The following LRPPRC variants were observed in gnomAD, a reference collection of about 807,000 sequenced individuals.
LRPPRC encodes leucine-rich PPR motif-containing protein, mitochondrial.
A neutral mutation model predicts 180.3 loss-of-function variants in LRPPRC; 120 were observed. The observed-to-expected ratio is 0.67, with a 90% confidence interval of 0.57 to 0.77. LRPPRC has a LOEUF of 0.77. Among genes scored for constraint, LRPPRC ranks in the 30% least tolerant of loss-of-function variants. The pLI is 0.00. For synonymous variants in LRPPRC, 723 were observed against 600.0 expected (o/e 1.21, Z -3.00); for missense variants, 2,012 against 1,657.2 (o/e 1.21, Z -3.72).
intron 25 of LRPPRC, among the ~76,000 whole-genome samples, chr2:43,933,766 T>C (rs1275332746): frequency 6.6e-6 from 1 of 152,218 alleles, no homozygotes; most frequent in Non-Finnish European, 1.5e-5. Flanking sequence ...CTTGTTTGGC[T>C]GATTAACTTG....
At chr2:43,977,505 G>A (rs532046002) in intron 3 of LRPPRC, among the ~76,000 whole-genome samples, 1 of 152,186 alleles carries the variant, frequency 6.6e-6, no homozygotes, top group African/African-American at 2.4e-5. Flanking sequence ...TGCCTATTCG[G>A]ATATTAAAAG....
chr2:43,980,115 A>T (rs1674236964), intron 2 of LRPPRC, among the ~76,000 whole-genome samples, 167 bp from the exon 3 acceptor site: 1 of 152,266 alleles, frequency 6.6e-6, no homozygotes, highest in Non-Finnish European at 1.5e-5. Flanking sequence ...TTACTAAGTT[A>T]CAAGTCAAAC....
At chr2:43,964,083 G>C (rs1673462112) in intron 11 of LRPPRC, among the ~76,000 whole-genome samples, 1 of 152,190 alleles carries the variant, frequency 6.6e-6, no homozygotes, top group Non-Finnish European at 1.5e-5. Flanking sequence ...ATGCTGCAAA[G>C]AGAAGTGACT....
chr2:43,960,630 T>C lies in LRPPRC; in HGVS notation c.1493A>G (p.Asn498Ser), dbSNP rs758606973. 2 of 1,553,170 alleles carry C rather than the reference T, an allele frequency of 1.3e-6. No individual in the cohort carries two copies. The highest frequency in any genetic ancestry group is 1.8e-6 in the Non-Finnish European group (2 of 1,126,742). ...CATATCACTATCAGACAGACATCCA[T>C]TTTCCTGGAGATAAAGCATATATCA... ...VNSARAILQE[N>S]GCLSDSDMFS... Residue 498 changes from asparagine (N) to serine (S), a missense_variant, in exon 13 of 38, where the codon AAT (asparagine) becomes AGT (serine). By Grantham distance (46) the Asn-to-Ser change is conservative. Transcript: ENST00000260665.
In LRPPRC at chr2:43,894,590, A is replaced by T; in HGVS notation, c.3940T>A (p.Leu1314Ile). The change falls in exon 36 of 38, where the codon TTA (leucine) becomes ATA (isoleucine). Residue 1314 changes from leucine (L) to isoleucine (I), a missense_variant. By Grantham distance (5) the Leu-to-Ile change is conservative. Coordinates refer to ENST00000260665, the MANE Select transcript of LRPPRC (RefSeq NM_133259.4). The part of the protein sequence containing the change: ...VKSVLELIPE[L>I]NEKEEAYNSL... ...TTGTATGCTTCTTCCTTTTCATTTAATTCAGGAATCAATTCTAACACAGAT... is the reference window on the plus strand; with the variant it reads ...TTGTATGCTTCTTCCTTTTCATTTATTTCAGGAATCAATTCTAACACAGAT... 4 of 1,584,256 alleles carry T rather than the reference A, an allele frequency of 2.5e-6. No homozygotes were observed. Among genetic ancestry groups the T allele is most frequent in the Non-Finnish European group, 3.5e-6 (4 of 1,153,162 alleles).
At position 43,963,530 on chromosome 2, in the gene LRPPRC, C is replaced by CTTA. The variant is rs1296784696; in HGVS notation, c.1488+57_1488+58insTAA. 5 of 1,043,374 alleles carry CTTA rather than the reference C, an allele frequency of 4.8e-6. No individual in the cohort carries two copies. In the African/African-American group the frequency reaches 7.8e-5, roughly 16 times the overall value. The allele number at this position is 1,043,374 out of a possible 1,614,324, so 64.6% of individuals were successfully genotyped here. On this transcript the variant is annotated intron_variant, in intron 12 of 37. Transcript: ENST00000260665. ...GACTTTTTTGTGTGTCAACACTAAA[C>CTTA]ATTAAGGAGGAAAGATATCCTCTTC...
chr2:43,953,231 T>C (rs1391650143), intron 14 of LRPPRC, among the ~76,000 whole-genome samples: 1 of 152,230 alleles, frequency 6.6e-6, no homozygotes, highest in Non-Finnish European at 1.5e-5. Context: ...TTACGAAGAC[T>C]AGTTTTTGGA....
intron 27 of LRPPRC, among the ~76,000 whole-genome samples, chr2:43,920,951 G>C (rs778660549): frequency 6.6e-6 from 1 of 152,148 alleles, no homozygotes; most frequent in Non-Finnish European, 1.5e-5. Context: ...TATACAAAAA[G>C]CTTCTACTTT....
At position 43,886,508 on chromosome 2, in the gene LRPPRC, C is replaced by T. The variant is rs1670275890; in HGVS notation, c.*2092G>A. 6.6e-6 allele frequency: 1 copy of T among 152,148 alleles called. No homozygotes were observed. The highest frequency in any genetic ancestry group is 2.1e-4 in the South Asian group (1 of 4,818). 9.4% of individuals were successfully genotyped at this position (152,148 alleles called of 1,614,324 possible). ...AAATATTTATATTCAATAGGGGAATCAATACAATACAAAAGATATTTGAAC... is the reference window on the plus strand; with the variant it reads ...AAATATTTATATTCAATAGGGGAATTAATACAATACAAAAGATATTTGAAC... On this transcript the variant is annotated 3_prime_UTR_variant, in exon 38 of 38. Transcript: ENST00000260665.
At chr2:43,932,123 CAAAA>C (rs746600862) in intron 25 of LRPPRC, among the ~76,000 whole-genome samples, 3,273 of 19,670 alleles carry the variant, frequency 0.17, 8 homozygotes, top group South Asian at 0.2. Flanking sequence ...GACCCTGTCT[CAAAA>C]AAAAAAAAAA....
At chr2:43,899,370 G>T (rs1359616132) in intron 33 of LRPPRC, 36 bp from the exon 34 acceptor site, 2 of 1,603,342 alleles carry the variant, frequency 1.2e-6, no homozygotes, top group Admixed American at 1.7e-5. Context: ...TCTTTCATTA[G>T]AACAGTGGTA....
Position 43,946,138 on chromosome 2 carries a change from C to A in LRPPRC, c.2185G>T (p.Asp729Tyr). The A allele has an allele frequency of 6.2e-7, 1 of 1,612,678 alleles. No individual in the cohort carries two copies. The highest frequency in any genetic ancestry group is 8.5e-7 in the Non-Finnish European group (1 of 1,178,906). The change falls in exon 21 of 38, where the codon GAT becomes TAT. Residue 729 changes from aspartate (D) to tyrosine (Y), a missense_variant. Coordinates refer to ENST00000260665, the MANE Select transcript of LRPPRC (RefSeq NM_133259.4). The part of the protein sequence containing the change: ...NLCCRHDKVE[D>Y]ALNLKEEFDR... The stretch of plus-strand genomic sequence containing the variant: ...AATTCTTCTTTCAAGTTCAAGGCAT[C>A]TTCTACTTTATCATGTCGACAGCAT...
intron 31 of LRPPRC, 60 bp downstream of exon 31, chr2:43,905,632 G>T: frequency 8.2e-7 from 1 of 1,214,994 alleles, no homozygotes; most frequent in Non-Finnish European, 1.2e-6. Flanking sequence ...TTCGAAGGGC[G>T]TTACAAGAAA....
At chr2:43,990,885 G>C (rs1350191702) in intron 1 of LRPPRC, among the ~76,000 whole-genome samples, 1 of 147,340 alleles carries the variant, frequency 6.8e-6, no homozygotes, top group African/African-American at 2.5e-5. Flanking sequence ...TCGCTTCGTA[G>C]CCCAGGCTGG....
chr2:43,939,304 T>C (rs578258333), intron 23 of LRPPRC, among the ~76,000 whole-genome samples: 30 of 141,206 alleles, frequency 2.1e-4, no homozygotes, highest in African/African-American at 6.4e-4. Context: ...AAAATAAAAA[T>C]AAAAACAACA....
chr2:43,965,350 C>A (rs902532027), intron 11 of LRPPRC, among the ~76,000 whole-genome samples: 1 of 152,078 alleles, frequency 6.6e-6, no homozygotes, highest in East Asian at 1.9e-4. Flanking sequence ...TGAGCCACCA[C>A]GCCCAGCCTG....
chr2:43,938,375 G>T (rs1033066505), intron 23 of LRPPRC, among the ~76,000 whole-genome samples: 2 of 152,096 alleles, frequency 1.3e-5, no homozygotes, highest in African/African-American at 4.8e-5. Flanking sequence ...TTGAGGAAAA[G>T]ATTCTGTAAT....
Position 43,918,364 on chromosome 2 carries a change from G to A in LRPPRC, c.2931C>T (p.Val977=), listed in dbSNP as rs1000809178. 2.9e-5 allele frequency: 47 copies of A among 1,610,576 alleles called. No homozygotes were observed. The highest frequency in any genetic ancestry group is 3.9e-5 in the Non-Finnish European group (46 of 1,177,026). ...CATTTTCTTCTTGGATTTTATTCCAGACTGCATCAGCTCTTTGCCAGTCAC... is the reference window on the plus strand; with the variant it reads ...CATTTTCTTCTTGGATTTTATTCCAAACTGCATCAGCTCTTTGCCAGTCAC... ...INGDWQRADA[V]WNKIQEENVI... is the part of the protein sequence containing the mutation. The change falls in exon 28 of 38, where the codon GTC becomes GTT. Residue 977 remains valine (V), a synonymous_variant. Transcript: ENST00000260665.
chr2:43,894,460 ATAC>A, intron 36 of LRPPRC, 82 bp downstream of exon 36: 4 of 747,894 alleles, frequency 5.3e-6, no homozygotes, highest in East Asian at 2.7e-5. Context: ...TTAGTTCACT[ATAC>A]TACAAGTCAT....
Sources: gnomAD v4.1 joint callset for allele counts (sites outside exome capture counted in the v4.1 genomes callset) on GRCh38, gnomAD v4.1.1 for gene constraint, MANE v1.5 for transcripts, NCBI Gene and HGNC (gene_info 2026-07-23, HGNC 2026-07-21) for gene names.